The following MGAM variants were observed in gnomAD, a reference collection of about 807,000 sequenced individuals.
MGAM encodes maltase-glucoamylase.
Under a neutral mutation model 358.8 loss-of-function variants are expected in MGAM, and 253 were observed. That is an observed-to-expected ratio of 0.71 (90% CI 0.64 to 0.78). The LOEUF is 0.78. MGAM is among the 30% of genes least tolerant of loss of function. The pLI, the probability that MGAM is intolerant of heterozygous loss-of-function variation, is 0.00. For synonymous variants in MGAM, 1,105 were observed against 1,227.1 expected (o/e 0.90, Z 2.08); for missense variants, 3,080 against 3,432.6 (o/e 0.90, Z 2.57).
At chr7:142,033,385 G>A (rs1049242758) in intron 14 of MGAM, among the ~76,000 whole-genome samples, 22 of 152,204 alleles carry the variant, frequency 1.4e-4, no homozygotes, top group African/African-American at 5.3e-4. Flanking sequence ...ATGATACTCA[G>A]CTTTGATTGA....
At chr7:142,057,264 TAATG>T (rs1225604656) in intron 30 of MGAM, among the ~76,000 whole-genome samples, 1 of 151,436 alleles carries the variant, frequency 6.6e-6, no homozygotes, top group Non-Finnish European at 1.5e-5. Context: ...GGAATGGTGA[TAATG>T]ATGGTGGTGG....
At chr7:142,050,640 G>A in intron 23 of MGAM, 57 bp from the exon 24 acceptor site, 2 of 1,521,752 alleles carry the variant, frequency 1.3e-6, no homozygotes, top group African/African-American at 2.7e-5. Context: ...TGAGTGACTT[G>A]AGAATCTGTG....
At chr7:142,014,867 A>T (rs1298698765) in intron 3 of MGAM, among the ~76,000 whole-genome samples, 1 of 152,148 alleles carries the variant, frequency 6.6e-6, no homozygotes, top group Non-Finnish European at 1.5e-5. Context: ...AATCAAAATC[A>T]TTCTACAGTA....
At chr7:142,048,181 T>C (rs1810579359) in intron 22 of MGAM, among the ~76,000 whole-genome samples, 1 of 151,138 alleles carries the variant, frequency 6.6e-6, no homozygotes, top group Admixed American at 6.6e-5. Flanking sequence ...AGGTGGAGTT[T>C]TGCTCTTGTT....
At chr7:142,012,186 T>A (rs1254067756) in intron 3 of MGAM, among the ~76,000 whole-genome samples, 1 of 152,340 alleles carries the variant, frequency 6.6e-6, no homozygotes, top group East Asian at 1.9e-4. Context: ...CCACCTTTTT[T>A]GTTCACAACA....
intron 1 of MGAM, among the ~76,000 whole-genome samples, chr7:141,998,126 G>A (rs1554449371): frequency 1.3e-5 from 2 of 152,042 alleles, no homozygotes; most frequent in African/African-American, 4.8e-5. Context: ...TGTCTACTTT[G>A]CCTAAAGAAC....
chr7:142,045,946 ATATAT>A (rs1810300603), intron 21 of MGAM, among the ~76,000 whole-genome samples: 2 of 119,238 alleles, frequency 1.7e-5, no homozygotes, highest in African/African-American at 6.2e-5. Flanking sequence ...AATATGTAAT[ATATAT>A]TATGTATACA....
chr7:142,050,511 A>G (rs994169752), intron 23 of MGAM, among the ~76,000 whole-genome samples, 186 bp from the exon 24 acceptor site: 2 of 152,118 alleles, frequency 1.3e-5, no homozygotes, highest in African/African-American at 2.4e-5. Context: ...GTGTGTTTTT[A>G]TGATCGTTTT....
intron 3 of MGAM, 99 bp downstream of exon 3, chr7:142,008,804 C>A: frequency 7.7e-7 from 1 of 1,292,836 alleles, no homozygotes; most frequent in South Asian, 1.5e-5. Flanking sequence ...TAGTGACTCT[C>A]AAGAGAGGTG....
rs1370167720 is a variant in MGAM, at chr7:142,052,506, T to C, written c.2958+60T>C. On this transcript the variant is annotated intron_variant, in intron 25 of 70. Coordinates refer to ENST00000475668, the MANE Select transcript of MGAM (RefSeq NM_001365693.1). The stretch of plus-strand genomic sequence containing the variant: ...TCTCCACACCTAATCTGTAGTTTCT[T>C]AAGCATAGCAGTGGTACTTACATAA... 6 of 1,594,308 alleles carry C rather than the reference T, an allele frequency of 3.8e-6. No homozygotes were observed. In the East Asian group the frequency reaches 1.1e-4, roughly 30 times the overall value.
At chr7:142,097,379 G>A (rs745413167) in intron 65 of MGAM, among the ~76,000 whole-genome samples, 3 of 151,768 alleles carry the variant, frequency 2.0e-5, no homozygotes, top group African/African-American at 7.3e-5. Context: ...GGGTACCAAA[G>A]TGCTTTATGA....
rs773299141 is a variant in MGAM, at chr7:142,059,505, C to T, written c.3853C>T (p.Arg1285Trp). Reference protein sequence around the residue: ...VQYSDIDYMERQLDFTLSPKF... With the variant: ...VQYSDIDYMEWQLDFTLSPKF... Reference sequence around the variant, plus strand: ...GTACTCAGACATCGACTACATGGAGCGGCAGCTGGACTTCACCCTCAGCCC... The same window carrying T: ...GTACTCAGACATCGACTACATGGAGTGGCAGCTGGACTTCACCCTCAGCCC... Residue 1285 changes from arginine to tryptophan, a missense_variant, in exon 32 of 71, where the codon CGG becomes TGG. Coordinates refer to ENST00000475668, the MANE Select transcript of MGAM (RefSeq NM_001365693.1). The T allele has an allele frequency of 4.6e-5, 74 of 1,611,994 alleles. 2 individuals carry two copies. The highest frequency in any genetic ancestry group is 3.4e-4 in the South Asian group (31 of 90,992).
At chr7:142,005,173 A>G (rs1189578997) in intron 1 of MGAM, among the ~76,000 whole-genome samples, 1 of 151,726 alleles carries the variant, frequency 6.6e-6, no homozygotes, top group African/African-American at 2.4e-5. Context: ...AATGAAAGAA[A>G]TTTTAAAATT....
At chr7:141,996,217 C>T (rs528649217) in intron 1 of MGAM, among the ~76,000 whole-genome samples, 4 of 150,852 alleles carry the variant, frequency 2.7e-5, no homozygotes, top group African/African-American at 9.7e-5. Context: ...AGGAGAATGG[C>T]GTGAACCTGG....
chr7:142,008,701 C>T lies in MGAM; in HGVS notation c.323C>T (p.Thr108Ile). ...AATTGCATCCCTGACCAGCCGCCAA[C>T]AAAGGTTTGAGTTATGAATTTTGTT... Reference protein sequence around the residue: ...RINCIPDQPPTKATCDQRGCC... With the variant: ...RINCIPDQPPIKATCDQRGCC... The change falls in exon 3 of 71, where the codon ACA (threonine) becomes ATA (isoleucine). Residue 108 changes from threonine to isoleucine, a missense_variant. Physicochemically the swap from Thr to Ile is moderately conservative, Grantham distance 89 (BLOSUM62 -1). Transcript: ENST00000475668. 6.2e-7 allele frequency: 1 copy of T among 1,612,044 alleles called. No individual in the cohort carries two copies. Among genetic ancestry groups the T allele is most frequent in the Non-Finnish European group, 8.5e-7 (1 of 1,178,914 alleles).
chr7:142,038,361 G>A (rs1808184085), intron 18 of MGAM, among the ~76,000 whole-genome samples, 170 bp from the exon 19 acceptor site: 1 of 152,168 alleles, frequency 6.6e-6, no homozygotes, highest in Non-Finnish European at 1.5e-5. Flanking sequence ...CTGGGGAAGG[G>A]GAATCTGTCT....
intron 10 of MGAM, 134 bp from the exon 11 acceptor site, chr7:142,030,228 C>T (rs1807348411): frequency 3.1e-6 from 3 of 953,360 alleles, no homozygotes; most frequent in East Asian, 2.7e-5. Flanking sequence ...TACTCAGATG[C>T]CAGGAACTGA....
intron 28 of MGAM, 77 bp from the exon 29 acceptor site, chr7:142,055,922 CA>C: frequency 6.7e-7 from 1 of 1,485,494 alleles, no homozygotes; most frequent in Non-Finnish European, 9.2e-7. Context: ...GCCATGTTAG[CA>C]AGCACATTTT....
chr7:141,989,297 G>T (rs1266602205), intron 2 of MGAM, among the ~76,000 whole-genome samples: 1 of 152,114 alleles, frequency 6.6e-6, no homozygotes, highest in Non-Finnish European at 1.5e-5. Context: ...TAATGATACT[G>T]CTTGTTGGAT....
Sources: gnomAD v4.1 joint callset for allele counts (sites outside exome capture counted in the v4.1 genomes callset) on GRCh38, gnomAD v4.1.1 for gene constraint, MANE v1.5 for transcripts, NCBI Gene and HGNC (gene_info 2026-07-23, HGNC 2026-07-21) for gene names.